The following SLC22A14 variants were observed in gnomAD, a reference collection of about 807,000 sequenced individuals.
SLC22A14 encodes organic cation transporter-like 4.
SLC22A14 carries 50 observed loss-of-function variants against 53.9 expected under a neutral mutation model. That is an observed-to-expected ratio of 0.93 (90% CI 0.74 to 1.17). The LOEUF is 1.17. Among genes scored for constraint, SLC22A14 ranks in the 50% most tolerant of loss-of-function variants. The probability of loss-of-function intolerance (pLI) is 0.00; values close to 1 mark genes in which losing one functional copy is unlikely to be tolerated. For missense variants in SLC22A14, 671 were observed against 734.7 expected, an observed-to-expected ratio of 0.91 and a Z score of 1.00; for synonymous variants, 312 against 303.0, an observed-to-expected ratio of 1.03 and a Z score of -0.31.
At chr3:38,306,719 T>G (rs1008865084) in intron 2 of SLC22A14, among the ~76,000 whole-genome samples, 177 bp downstream of exon 2, 1 of 152,238 alleles carries the variant, frequency 6.6e-6, no homozygotes, top group Non-Finnish European at 1.5e-5. Flanking sequence ...GCCCTGGCCC[T>G]GCCTATCTAT....
At position 38,306,293 on chromosome 3, in the gene SLC22A14, C is replaced by G. The variant is rs756029665; in HGVS notation, c.267C>G (p.Phe89Leu). Reference sequence around the variant, plus strand: ...CCTTCTTCATGTTTGCTGACCACTTCGTGTTCACAGCCCAGAAGCCCTATT... The same window carrying G: ...CCTTCTTCATGTTTGCTGACCACTTGGTGTTCACAGCCCAGAAGCCCTATT... ...MSAFFMFADH[F>L]VFTAQKPYCN... Residue 89 changes from phenylalanine to leucine, a missense_variant, in exon 2 of 11, where the codon TTC (phenylalanine) becomes TTG (leucine). Coordinates refer to ENST00000448498, the MANE Select transcript of SLC22A14 (RefSeq NM_001320033.2). 6.2e-7 allele frequency: 1 copy of G among 1,614,034 alleles called. No homozygotes were observed. Among genetic ancestry groups the G allele is most frequent in the Non-Finnish European group, 8.5e-7 (1 of 1,180,032 alleles).
rs762325578 is a variant in SLC22A14, at chr3:38,313,417, G to A, written c.1095G>A (p.Arg365=). Residue 365 remains arginine (R), a synonymous_variant, in exon 7 of 11, where the codon CGG becomes CGA. Coordinates refer to ENST00000448498, the MANE Select transcript of SLC22A14 (RefSeq NM_001320033.2). The part of the protein sequence containing the change: ...ELQLPRKKVT[R]ASVLDFCKNR... ...AGCTGCCCAGAAAGAAGGTGACTCG[G>A]GCCTCTGTCCTGGACTTCTGTAAGA... 5 of 1,613,790 alleles carry A rather than the reference G, an allele frequency of 3.1e-6. No homozygotes were observed. The highest frequency in any genetic ancestry group is 4.2e-6 in the Non-Finnish European group (5 of 1,179,842).
At chr3:38,284,922 A>G (rs972184632) in intron 1 of SLC22A14, among the ~76,000 whole-genome samples, 7 of 152,200 alleles carry the variant, frequency 4.6e-5, no homozygotes, top group African/African-American at 1.7e-4. Context: ...TCCGGAGGAC[A>G]TTACGAGCCT....
chr3:38,281,113 C>T (rs1432472452), upstream of SLC22A14, among the ~76,000 whole-genome samples: 1 of 152,102 alleles, frequency 6.6e-6, no homozygotes, highest in African/African-American at 2.4e-5. Context: ...GGACCAACCA[C>T]TGAGGTGACC....
At chr3:38,313,660 GTCTT>G (rs1315116363) in intron 7 of SLC22A14, 63 bp from the exon 8 acceptor site, 6 of 1,021,630 alleles carry the variant, frequency 5.9e-6, no homozygotes, top group Non-Finnish European at 9.0e-6. Context: ...CTCTGCCTCT[GTCTT>G]TATTCCTGGC....
chr3:38,312,988 T>C lies in SLC22A14; in HGVS notation c.945-11T>C. 1 of 1,574,148 alleles carries C rather than the reference T, an allele frequency of 6.4e-7. No homozygotes were observed. Among genetic ancestry groups the C allele is most frequent in the Non-Finnish European group, 8.6e-7 (1 of 1,159,864 alleles). ...TAGAACGGTGAGATAAGAGAGGGGC[T>C]GGCCACGCAGGATTCTCCCGGAGTC... On this transcript the variant is annotated splice_polypyrimidine_tract_variant and intron_variant, in intron 5 of 10. Coordinates refer to ENST00000448498, the MANE Select transcript of SLC22A14 (RefSeq NM_001320033.2).
intron 1 of SLC22A14, among the ~76,000 whole-genome samples, chr3:38,303,159 TATTA>T (rs1704210199): frequency 1.3e-5 from 2 of 152,236 alleles, no homozygotes; most frequent in Non-Finnish European, 2.9e-5. Context: ...TTGTCTATCT[TATTA>T]ATCTATTCAA....
chr3:38,289,178 T>C (rs975438830), intron 1 of SLC22A14, among the ~76,000 whole-genome samples: 4 of 27,932 alleles, frequency 1.4e-4, no homozygotes, highest in African/African-American at 2.6e-4. Flanking sequence ...ACTCTATCTC[T>C]ACAAAAAAAA....
chr3:38,279,823 C>T (rs1344674944), upstream of SLC22A14, among the ~76,000 whole-genome samples: 1 of 152,060 alleles, frequency 6.6e-6, no homozygotes, highest in Non-Finnish European at 1.5e-5. Context: ...AAGGTTACGG[C>T]AATGGTGACT....
chr3:38,292,544 G>C (rs1357891231), intron 1 of SLC22A14, among the ~76,000 whole-genome samples: 1 of 152,102 alleles, frequency 6.6e-6, no homozygotes, highest in African/African-American at 2.4e-5. Flanking sequence ...GCTACTGCAT[G>C]GTTTTACTAG....
intron 1 of SLC22A14, among the ~76,000 whole-genome samples, chr3:38,304,528 C>T (rs1236494899): frequency 6.6e-6 from 1 of 152,098 alleles, no homozygotes; most frequent in East Asian, 1.9e-4. Context: ...GCTGAGACTA[C>T]AGGCACATGC....
intron 1 of SLC22A14, 42 bp from the exon 2 acceptor site, chr3:38,305,985 G>T: frequency 6.4e-7 from 1 of 1,557,704 alleles, no homozygotes; most frequent in Non-Finnish European, 8.7e-7. Flanking sequence ...TGTTTAGGAA[G>T]TGGTGTCAGC....
chr3:38,296,235 T>C (rs1238039365), intron 1 of SLC22A14, among the ~76,000 whole-genome samples: 1 of 152,210 alleles, frequency 6.6e-6, no homozygotes, highest in Admixed American at 6.5e-5. Context: ...AACAGGCTAA[T>C]GCTGGGAGTT....
At chr3:38,282,398 G>A (rs1703689544) in intron 1 of SLC22A14, 59 bp downstream of exon 1, 2 of 152,552 alleles carry the variant, frequency 1.3e-5, no homozygotes, top group African/African-American at 4.8e-5. Context: ...GGGAGGGTGT[G>A]GAGAGTAGAA....
chr3:38,288,963 C>T (rs1037608630), intron 1 of SLC22A14, among the ~76,000 whole-genome samples: 1 of 151,898 alleles, frequency 6.6e-6, no homozygotes, highest in Admixed American at 6.6e-5. Context: ...GAGGATCACT[C>T]GAGGCCAGAA....
chr3:38,298,218 C>T (rs1704081853), intron 1 of SLC22A14, among the ~76,000 whole-genome samples: 1 of 152,216 alleles, frequency 6.6e-6, no homozygotes, highest in African/African-American at 2.4e-5. Context: ...TTTTAGGGTG[C>T]TTTCTTGCTT....
chr3:38,306,387 C>A lies in SLC22A14; in HGVS notation c.361C>A (p.Pro121Thr), dbSNP rs773393219. ...AGCTGAGCAGCTGAATCTGACCATA[C>A]CCCAAGCACCCAATGGCAGTTTCCT... ...SKAEQLNLTI[P>T]QAPNGSFLTC... is the part of the protein sequence containing the mutation. The change falls in exon 2 of 11, where the codon CCC becomes ACC. Residue 121 changes from proline to threonine, a missense_variant. Physicochemically the swap from Pro to Thr is conservative, Grantham distance 38. Transcript: ENST00000448498. 11 of 1,614,094 alleles carry A rather than the reference C, an allele frequency of 6.8e-6. No homozygotes were observed. Among genetic ancestry groups the A allele is most frequent in the African/African-American group, 4.0e-5 (3 of 74,942 alleles).
upstream of SLC22A14, among the ~76,000 whole-genome samples, chr3:38,281,491 C>G (rs536241269): frequency 2.2e-4 from 34 of 152,202 alleles, no homozygotes; most frequent in Non-Finnish European, 2.5e-4. Flanking sequence ...CTGCAGTCTC[C>G]CAAGGGGGCA....
intron 1 of SLC22A14, among the ~76,000 whole-genome samples, chr3:38,294,044 A>G (rs1703971143): frequency 6.6e-6 from 1 of 152,172 alleles, no homozygotes; most frequent in Non-Finnish European, 1.5e-5. Flanking sequence ...AGTATGAGAG[A>G]GAAAAAGGTA....
Sources: allele counts gnomAD v4.1 joint callset (sites outside exome capture counted in the v4.1 genomes callset), GRCh38; gene constraint gnomAD v4.1.1; transcripts MANE v1.5; gene names NCBI Gene and HGNC (gene_info 2026-07-23, HGNC 2026-07-21).